The following PTPRJ variants were observed in gnomAD, a reference collection of about 807,000 sequenced individuals.
The protein encoded by PTPRJ is protein tyrosine phosphatase receptor type J, also known as receptor-type tyrosine-protein phosphatase eta.
A neutral mutation model predicts 141.3 loss-of-function variants in PTPRJ; 129 were observed. That is an observed-to-expected ratio of 0.91 (90% confidence interval 0.79 to 1.06). PTPRJ has a LOEUF of 1.06. Ranked by LOEUF, PTPRJ falls within the 50% of genes least tolerant of loss-of-function variation. PTPRJ has a pLI of 0.00. For missense variants in PTPRJ, 1,601 were observed against 1,679.7 expected, an observed-to-expected ratio of 0.95 and a Z score of 0.82; for synonymous variants, 610 against 640.5, an observed-to-expected ratio of 0.95 and a Z score of 0.72.
At chr11:48,082,619 A>G (rs1321743371) in intron 1 of PTPRJ, among the ~76,000 whole-genome samples, 7 of 120,136 alleles carry the variant, frequency 5.8e-5, no homozygotes, top group Non-Finnish European at 9.1e-5. Flanking sequence ...TGATATTGCT[A>G]TTTTTTTTTT....
chr11:47,980,983 T>C lies in PTPRJ; in HGVS notation c.71T>C (p.Leu24Pro), dbSNP rs2135452863. Residue 24 changes from leucine (L) to proline (P), a missense_variant, in exon 1 of 25, where the codon CTG becomes CCG. Coordinates refer to ENST00000418331, the MANE Select transcript of PTPRJ (RefSeq NM_002843.4). ...GGGCTGCGCTGGGCGCTGCCGCTGC[T>C]GCTGCTGCTGCTGCGCCTGGGCCAG... ...SPGLRWALPL[L>P]LLLLRLGQIL... 3.4e-6 allele frequency: 4 copies of C among 1,168,812 alleles called. No homozygotes were observed. The highest frequency in any genetic ancestry group is 4.2e-6 in the Non-Finnish European group (4 of 950,454). 72.4% of individuals were successfully genotyped at this position (1,168,812 alleles called of 1,614,324 possible).
rs557241226 is a variant in PTPRJ at position 48,094,922 on chromosome 11, A to G, written c.97-15136A>G. Among the ~76,000 whole-genome samples, 10 of 152,222 alleles carry G rather than the reference A, an allele frequency of 6.6e-5. No individual in the cohort carries two copies. The East Asian group carries it at 1.9e-3, about 29-fold the overall frequency. On this transcript the variant is annotated intron_variant, in intron 1 of 24. Coordinates refer to ENST00000418331, the MANE Select transcript of PTPRJ (RefSeq NM_002843.4). Reference sequence around the variant, plus strand: ...CTTTGGAGGGGCAGCCCTTTCTGCCATGTGAATCTTTGCCCAGCCCTGAGG... The same window carrying G: ...CTTTGGAGGGGCAGCCCTTTCTGCCGTGTGAATCTTTGCCCAGCCCTGAGG...
intron 1 of PTPRJ, among the ~76,000 whole-genome samples, chr11:47,985,970 G>C (rs1854040985): frequency 6.6e-6 from 1 of 152,112 alleles, no homozygotes; most frequent in Non-Finnish European, 1.5e-5. Context: ...CAAAGTGCTG[G>C]GATTACAGGC....
chr11:48,073,673 A>T (rs937785179), intron 1 of PTPRJ, among the ~76,000 whole-genome samples: 1 of 142,338 alleles, frequency 7.0e-6, no homozygotes, highest in African/African-American at 2.5e-5. Context: ...TTTTTCCTTT[A>T]AAAAAAAAAA....
At chr11:48,145,182 A>T in intron 14 of PTPRJ, 58 bp downstream of exon 14, 1 of 1,608,234 alleles carries the variant, frequency 6.2e-7, no homozygotes, top group Non-Finnish European at 8.5e-7. Flanking sequence ...CCACGTGTCC[A>T]TAGAAGGCCA....
At chr11:48,051,377 G>A (rs573269899) in intron 1 of PTPRJ, among the ~76,000 whole-genome samples, 3 of 152,308 alleles carry the variant, frequency 2.0e-5, no homozygotes, top group South Asian at 2.1e-4. Flanking sequence ...TTACAGGCGT[G>A]AGCCATTGCA....
In PTPRJ at chr11:48,142,830, TGAG is replaced by T. The variant is rs1253872290; in HGVS notation, c.2444-84_2444-82del. 8.3e-6 allele frequency: 12 copies of T among 1,439,722 alleles called. No individual in the cohort carries two copies. In the East Asian group the frequency reaches 2.5e-4, roughly 30 times the overall value. The allele number at this position is 1,439,722 out of a possible 1,614,324, so 89.2% of individuals were successfully genotyped here. ...GCATGTAGCTTCCAGAGTAAGATCTTGAGGAGGTTGCTGAAGCATGTTCTCTAC... is the reference window on the plus strand; with the variant it reads ...GCATGTAGCTTCCAGAGTAAGATCTTGAGGTTGCTGAAGCATGTTCTCTAC... On this transcript the variant is annotated intron_variant, in intron 11 of 24. Coordinates refer to ENST00000418331, the MANE Select transcript of PTPRJ (RefSeq NM_002843.4).
intron 1 of PTPRJ, among the ~76,000 whole-genome samples, chr11:48,074,244 A>C (rs935997142): frequency 2.0e-5 from 3 of 152,252 alleles, no homozygotes; most frequent in African/African-American, 7.2e-5. Flanking sequence ...AGGACTTTAA[A>C]TTGAGAAACT....
intron 1 of PTPRJ, among the ~76,000 whole-genome samples, chr11:48,034,941 A>G (rs2134229074): frequency 6.6e-6 from 1 of 152,376 alleles, no homozygotes; most frequent in Non-Finnish European, 1.5e-5. Context: ...CCCGTTTTAC[A>G]GAGGAGGAAA....
intron 1 of PTPRJ, among the ~76,000 whole-genome samples, chr11:48,048,957 A>C (rs977713675): frequency 6.6e-6 from 1 of 152,188 alleles, no homozygotes; most frequent in Non-Finnish European, 1.5e-5. Flanking sequence ...CCAGGCTCAC[A>C]CAGCCAATGC....
intron 1 of PTPRJ, among the ~76,000 whole-genome samples, chr11:48,058,200 C>A (rs896077890): frequency 7.9e-5 from 12 of 152,132 alleles, no homozygotes; most frequent in Non-Finnish European, 1.3e-4. Flanking sequence ...GCATGAGCTA[C>A]CACACCCAGC....
At chr11:48,127,687 A>T in intron 6 of PTPRJ, 93 bp from the exon 7 acceptor site, 1 of 1,323,592 alleles carries the variant, frequency 7.6e-7, no homozygotes, top group Non-Finnish European at 1.1e-6. Context: ...CCCCCAGGAG[A>T]GTTTGCTGGG....
At chr11:47,998,797 C>T (rs530491033) in intron 1 of PTPRJ, among the ~76,000 whole-genome samples, 56 of 152,186 alleles carry the variant, frequency 3.7e-4, no homozygotes, top group Non-Finnish European at 5.7e-4. Flanking sequence ...CTGGTCTGCC[C>T]TGATCTACTT....
At chr11:48,089,837 G>T (rs1324415875) in intron 1 of PTPRJ, among the ~76,000 whole-genome samples, 1 of 152,154 alleles carries the variant, frequency 6.6e-6, no homozygotes, top group African/African-American at 2.4e-5. Flanking sequence ...CCTGTTCCAG[G>T]CCTGGCTCTG....
intron 1 of PTPRJ, among the ~76,000 whole-genome samples, chr11:48,055,665 G>T (rs77698099): frequency 0.011 from 1,639 of 152,242 alleles, 27 homozygotes; most frequent in African/African-American, 0.037. Context: ...CAGTCCTGGG[G>T]GCACGAGGGT....
intron 1 of PTPRJ, among the ~76,000 whole-genome samples, chr11:48,055,666 G>A (rs1449894572): frequency 6.6e-6 from 1 of 152,146 alleles, no homozygotes; most frequent in East Asian, 1.9e-4. Flanking sequence ...AGTCCTGGGG[G>A]CACGAGGGTC....
At chr11:48,003,247 T>C (rs538046173) in intron 1 of PTPRJ, among the ~76,000 whole-genome samples, 13 of 152,328 alleles carry the variant, frequency 8.5e-5, no homozygotes, top group Middle Eastern at 3.4e-3. Context: ...CAGTAGCCAA[T>C]TTTTCACCAT....
intron 3 of PTPRJ, among the ~76,000 whole-genome samples, chr11:48,113,813 T>C (rs958366089): frequency 6.6e-6 from 1 of 152,216 alleles, no homozygotes; most frequent in Admixed American, 6.5e-5. Context: ...TTTCATATTG[T>C]TTAAAAAACT....
chr11:48,131,070 ATTTT>A (rs71045547), intron 8 of PTPRJ, among the ~76,000 whole-genome samples: 543 of 46,288 alleles, frequency 0.012, 3 homozygotes, highest in East Asian at 0.037. Context: ...ATATATATAT[ATTTT>A]TTTTTTTTTT....
Sources: gnomAD v4.1 joint callset for allele counts (sites outside exome capture counted in the v4.1 genomes callset) on GRCh38, gnomAD v4.1.1 for gene constraint, MANE v1.5 for transcripts, NCBI Gene and HGNC (gene_info 2026-07-23, HGNC 2026-07-21) for gene names.